Variants in ACVR1C observed in about 807,000 individuals in gnomAD.
The protein encoded by ACVR1C is activin A receptor type 1C, also known as activin receptor type-1C.
In ACVR1C, 23 loss-of-function variants were observed where a neutral mutation model predicts 57.9. The ratio of observed to expected loss-of-function variants is 0.40; its 90% confidence interval spans 0.29 to 0.56. The LOEUF is 0.56. Among genes scored for constraint, ACVR1C ranks in the 20% least tolerant of loss-of-function variants. The pLI is 0.50. For synonymous variants in ACVR1C, 214 were observed against 215.3 expected, an observed-to-expected ratio of 0.99 and a Z score of 0.05; for missense variants, 480 against 607.9, an observed-to-expected ratio of 0.79 and a Z score of 2.21.
chr2:157,575,363 C>T (rs933729156), intron 2 of ACVR1C, among the ~76,000 whole-genome samples: 3 of 152,112 alleles, frequency 2.0e-5, no homozygotes, highest in Admixed American at 2.0e-4. Flanking sequence ...GAACTCCTGA[C>T]CTCAGGTGAT....
At chr2:157,557,824 G>T (rs1054727640) in intron 2 of ACVR1C, among the ~76,000 whole-genome samples, 1 of 151,924 alleles carries the variant, frequency 6.6e-6, no homozygotes, top group Non-Finnish European at 1.5e-5. Flanking sequence ...ACTTCATCTT[G>T]CATTTAAGAA....
At chr2:157,549,347 A>G (rs1273084832) in intron 4 of ACVR1C, among the ~76,000 whole-genome samples, 1 of 152,188 alleles carries the variant, frequency 6.6e-6, no homozygotes, top group Non-Finnish European at 1.5e-5. Flanking sequence ...CCTGGGCAAC[A>G]TAGTGAGACT....
rs1202613587 is a variant in ACVR1C at position 157,576,747 on chromosome 2, T to C, written c.304+10440A>G. 5.3e-5 allele frequency among the ~76,000 whole-genome samples: 8 copies of C among 151,994 alleles called. No homozygotes were observed. In the South Asian group the frequency reaches 1.2e-3, roughly 24 times the overall value. On this transcript the variant is annotated intron_variant, in intron 2 of 8. Coordinates refer to ENST00000243349, the MANE Select transcript of ACVR1C (RefSeq NM_145259.3). ...GCATAAAATGAGATTCCTCCTTGTC[T>C]ACACTTTGGAAGAGTTTGTGTAAGA...
At chr2:157,621,971 TG>T (rs779765815) in intron 1 of ACVR1C, among the ~76,000 whole-genome samples, 70 of 152,316 alleles carry the variant, frequency 4.6e-4, no homozygotes, top group Admixed American at 2.3e-3. Flanking sequence ...TACTTTGCCT[TG>T]TTTCACCTCC....
In ACVR1C at chr2:157,531,629, G is replaced by A. The variant is rs555572488; in HGVS notation, c.*2289C>T. The A allele has an allele frequency of 9.2e-5, 14 of 152,026 alleles. No homozygotes were observed. The South Asian group carries it at 1.2e-3, about 14-fold the overall frequency. The allele number at this position is 152,026 out of a possible 1,614,324, so 9.4% of individuals were successfully genotyped here. ...ACAACCATAGTAAATAAATAATTTC[G>A]TTCTTATATATGCAGAAAAACAATC... is the stretch of plus-strand genomic sequence containing the variant. On this transcript the variant is annotated 3_prime_UTR_variant, in exon 9 of 9. Coordinates refer to ENST00000243349, the MANE Select transcript of ACVR1C (RefSeq NM_145259.3).
chr2:157,542,814 A>C lies in ACVR1C; in HGVS notation c.992T>G (p.Val331Gly). 3 of 1,614,040 alleles carry C rather than the reference A, an allele frequency of 1.9e-6. No homozygotes were observed. Among genetic ancestry groups the C allele is most frequent in the Non-Finnish European group, 2.5e-6 (3 of 1,179,952 alleles). ...TATGGCACAAGTTTCACACTTTTTC[A>C]CTAAGATATTCTTTGATTTTATGTC... ...HRDIKSKNIL[V>G]KKCETCAIAD... is the part of the protein sequence containing the mutation. Residue 331 changes from valine (V) to glycine (G), a missense_variant, in exon 6 of 9, where the codon GTG becomes GGG. Coordinates refer to ENST00000243349, the MANE Select transcript of ACVR1C (RefSeq NM_145259.3).
Position 157,531,250 on chromosome 2 carries a change from A to C in ACVR1C, c.*2668T>G, listed in dbSNP as rs1292432395. ...TTCTATATATAATCCTGTTAAGAGTAAAGGAAATATTACAACTTTTAACAT... is the reference window on the plus strand; with the variant it reads ...TTCTATATATAATCCTGTTAAGAGTCAAGGAAATATTACAACTTTTAACAT... On this transcript the variant is annotated 3_prime_UTR_variant, in exon 9 of 9. Coordinates refer to ENST00000243349, the MANE Select transcript of ACVR1C (RefSeq NM_145259.3). The C allele has an allele frequency of 6.6e-6, 1 of 152,028 alleles. No homozygotes were observed. The highest frequency in any genetic ancestry group is 1.5e-5 in the Non-Finnish European group (1 of 67,938). The allele number at this position is 152,028 out of a possible 1,614,324, so 9.4% of individuals were successfully genotyped here. A position where few individuals can be genotyped will look rare whatever the true frequency, so the allele number is the denominator to read the frequency against.
intron 6 of ACVR1C, among the ~76,000 whole-genome samples, 162 bp downstream of exon 6, chr2:157,542,544 C>T (rs1338953372): frequency 1.3e-5 from 2 of 152,196 alleles, no homozygotes; most frequent in African/African-American, 4.8e-5. Context: ...TGCTTTATAA[C>T]CATTGCACCC....
chr2:157,533,890 A>G lies in ACVR1C; in HGVS notation c.*28T>C, dbSNP rs771138569. On this transcript the variant is annotated 3_prime_UTR_variant, in exon 9 of 9. Coordinates refer to ENST00000243349, the MANE Select transcript of ACVR1C (RefSeq NM_145259.3). ...GGAAAATGGAAAAGAAAGCTATGAG[A>G]GATTTCTTTTTAACATAATTATCAT... The G allele has an allele frequency of 6.6e-7, 1 of 1,517,144 alleles. No individual in the cohort carries two copies. The highest frequency in any genetic ancestry group is 8.8e-7 in the Non-Finnish European group (1 of 1,137,622). 94.0% of individuals were successfully genotyped at this position (1,517,144 alleles called of 1,614,324 possible). A position where few individuals can be genotyped will look rare whatever the true frequency, so the allele number is the denominator to read the frequency against.
chr2:157,546,143 A>G (rs1458501931), intron 4 of ACVR1C, among the ~76,000 whole-genome samples: 3 of 152,176 alleles, frequency 2.0e-5, no homozygotes, highest in Non-Finnish European at 4.4e-5. Context: ...AAGATGATCC[A>G]TGTACAGTCA....
intron 1 of ACVR1C, among the ~76,000 whole-genome samples, chr2:157,608,651 A>T (rs183802393): frequency 6.6e-6 from 1 of 151,832 alleles, no homozygotes; most frequent in Non-Finnish European, 1.5e-5. Context: ...TTACAACTCA[A>T]TCTCACTGCT....
intron 1 of ACVR1C, among the ~76,000 whole-genome samples, chr2:157,624,833 T>G (rs1360956541): frequency 6.6e-6 from 1 of 152,214 alleles, no homozygotes; most frequent in Non-Finnish European, 1.5e-5. Flanking sequence ...TTCTTTTATG[T>G]TGGTTTGCAA....
At chr2:157,611,574 T>C (rs1573954719) in intron 1 of ACVR1C, among the ~76,000 whole-genome samples, 1 of 152,166 alleles carries the variant, frequency 6.6e-6, no homozygotes, top group Admixed American at 6.5e-5. Flanking sequence ...AGGCTTGTTG[T>C]GGGCAATGGC....
intron 2 of ACVR1C, among the ~76,000 whole-genome samples, chr2:157,581,724 T>G (rs1688796037): frequency 6.6e-6 from 1 of 152,166 alleles, no homozygotes; most frequent in Admixed American, 6.5e-5. Flanking sequence ...CAGGTGAAAC[T>G]GTAAAGGGAA....
intron 2 of ACVR1C, among the ~76,000 whole-genome samples, chr2:157,557,162 T>C (rs1205084224): frequency 9.0e-6 from 1 of 110,716 alleles, no homozygotes; most frequent in Admixed American, 8.5e-5. Context: ...AGAATGGTGC[T>C]ACAAAAAAAA....
intron 1 of ACVR1C, among the ~76,000 whole-genome samples, chr2:157,615,188 T>C (rs561210114): frequency 1.3e-5 from 2 of 152,126 alleles, no homozygotes; most frequent in African/African-American, 4.8e-5. Flanking sequence ...CCCTTGCAGC[T>C]GGGCACAGTG....
At chr2:157,595,420 G>A (rs1440671925) in intron 1 of ACVR1C, among the ~76,000 whole-genome samples, 1 of 152,138 alleles carries the variant, frequency 6.6e-6, no homozygotes, top group Non-Finnish European at 1.5e-5. Context: ...CAGCCATGTA[G>A]GGGGAAAAAA....
chr2:157,597,298 C>A (rs1682150272), intron 1 of ACVR1C: 1 of 963,412 alleles, frequency 1.0e-6, no homozygotes. Context: ...CGGTCCCCAG[C>A]GCGCTCCCCA....
chr2:157,581,608 G>A (rs1688793246), intron 2 of ACVR1C, among the ~76,000 whole-genome samples: 1 of 152,178 alleles, frequency 6.6e-6, no homozygotes, highest in Admixed American at 6.5e-5. Context: ...ACCAGCTGAA[G>A]CATGAGACTG....
Sources: allele counts gnomAD v4.1 joint callset (sites outside exome capture counted in the v4.1 genomes callset), GRCh38; gene constraint gnomAD v4.1.1; transcripts MANE v1.5; gene names NCBI Gene and HGNC (gene_info 2026-07-23, HGNC 2026-07-21).